TMEM232: variants seen among roughly 807,000 people sequenced by gnomAD.
TMEM232 encodes transmembrane protein 232.
A neutral mutation model predicts 78.8 loss-of-function variants in TMEM232; 80 were observed. The observed-to-expected ratio is 1.01, with a 90% confidence interval of 0.85 to 1.22. The LOEUF (loss-of-function observed/expected upper bound fraction) is 1.22, where lower values mean the gene tolerates loss of function less well. Ranked by LOEUF, TMEM232 falls within the 50% of genes most tolerant of loss-of-function variation. The pLI is 0.00. For synonymous variants in TMEM232, 297 were observed against 254.3 expected, an observed-to-expected ratio of 1.17 and a Z score of -1.60; for missense variants, 881 against 742.2, an observed-to-expected ratio of 1.19 and a Z score of -2.17.
At chr5:110,721,667 G>GTA (rs1277641654) in intron 1 of TMEM232, among the ~76,000 whole-genome samples, 3 of 10,458 alleles carry the variant, frequency 2.9e-4, no homozygotes, top group African/African-American at 4.9e-4. Flanking sequence ...GTGTGTGTGT[G>GTA]TGTGTGTATA....
At chr5:110,610,256 G>GAGGAAGGGAGGAAGGGAGGA (rs1554057558) in intron 8 of TMEM232, among the ~76,000 whole-genome samples, 1 of 117,222 alleles carries the variant, frequency 8.5e-6, no homozygotes, top group Non-Finnish European at 1.9e-5. Flanking sequence ...GGGAGGAAGG[G>GAGGAAGGGAGGAAGGGAGGA]AGGAAGGGAG....
At position 110,716,308 on chromosome 5, in the gene TMEM232, T is replaced by G. The variant is rs144347357; in HGVS notation, c.-13+10319A>C. Reference sequence around the variant, plus strand: ...ATGGGGTGGGAGAATTATTTTCAGATGATTCAAGTGCATTCCATTTACGAT... The same window carrying G: ...ATGGGGTGGGAGAATTATTTTCAGAGGATTCAAGTGCATTCCATTTACGAT... On this transcript the variant is annotated intron_variant, in intron 1 of 13. Coordinates refer to ENST00000455884, the MANE Select transcript of TMEM232 (RefSeq NM_001039763.4). Among the ~76,000 whole-genome samples the G allele has an allele frequency of 7.3e-3, 1,109 of 152,304 alleles. 6 individuals carry two copies. The highest frequency in any genetic ancestry group is 0.02 in the Middle Eastern group (6 of 294).
At chr5:110,694,505 C>A (rs920345524) in intron 1 of TMEM232, among the ~76,000 whole-genome samples, 1 of 152,094 alleles carries the variant, frequency 6.6e-6, no homozygotes. Context: ...AAGACACAGA[C>A]AGGCAAACTG....
At position 110,682,005 on chromosome 5, in the gene TMEM232, G is replaced by A. The variant is rs148447856; in HGVS notation, c.-12-14641C>T. Among the ~76,000 whole-genome samples the A allele has an allele frequency of 2.1e-3, 313 of 152,024 alleles. 1 individual carries two copies. Among genetic ancestry groups the A allele is most frequent in the African/African-American group, 7.1e-3 (296 of 41,490 alleles). On this transcript the variant is annotated intron_variant, in intron 1 of 13. Coordinates refer to ENST00000455884, the MANE Select transcript of TMEM232 (RefSeq NM_001039763.4). Reference sequence around the variant, plus strand: ...CAACAGAAATAAAAAAATAAAATGAGGCTAAAAATTTTAACTTCTTCTGCT... The same window carrying A: ...CAACAGAAATAAAAAAATAAAATGAAGCTAAAAATTTTAACTTCTTCTGCT...
At chr5:110,691,693 T>A (rs1794135111) in intron 1 of TMEM232, among the ~76,000 whole-genome samples, 1 of 152,172 alleles carries the variant, frequency 6.6e-6, no homozygotes, top group South Asian at 2.1e-4. Context: ...ATATAATAAG[T>A]CATCACTTTC....
chr5:110,726,402 C>A (rs1316516676), intron 1 of TMEM232, among the ~76,000 whole-genome samples: 1 of 152,092 alleles, frequency 6.6e-6, no homozygotes, highest in Non-Finnish European at 1.5e-5. Context: ...GACCTGGTGG[C>A]TTTTCCAGGA....
rs1757086519 is a variant in TMEM232, at chr5:110,425,023, T to G, written c.1704-107A>C. Reference sequence around the variant, plus strand: ...ATTTATTATTAAGCATTTTGATTCTTCATTGTTAACATAAAGTATTTGTGT... The same window carrying G: ...ATTTATTATTAAGCATTTTGATTCTGCATTGTTAACATAAAGTATTTGTGT... On this transcript the variant is annotated intron_variant, in intron 12 of 13. Coordinates refer to ENST00000455884, the MANE Select transcript of TMEM232 (RefSeq NM_001039763.4). 3.6e-6 allele frequency: 3 copies of G among 843,674 alleles called. No individual in the cohort carries two copies. The South Asian group carries it at 5.4e-5, about 15-fold the overall frequency. 52.3% of individuals were successfully genotyped at this position (843,674 alleles called of 1,614,324 possible).
intron 2 of TMEM232, among the ~76,000 whole-genome samples, chr5:110,652,283 T>C (rs4504429): frequency 0.89 from 133,426 of 149,480 alleles, 58,960 homozygotes; most frequent in East Asian, 0.94. Context: ...CACACAAAAG[T>C]GCACGCGCGC....
At chr5:110,627,326 A>G (rs1784543384) in intron 6 of TMEM232, among the ~76,000 whole-genome samples, 1 of 152,008 alleles carries the variant, frequency 6.6e-6, no homozygotes, top group Non-Finnish European at 1.5e-5. Context: ...AGTCACAAAA[A>G]AGCTCATAAA....
intron 7 of TMEM232, among the ~76,000 whole-genome samples, chr5:110,624,090 C>T (rs1170553731): frequency 1.3e-5 from 2 of 152,118 alleles, no homozygotes; most frequent in Non-Finnish European, 2.9e-5. Context: ...GCCTACCTCA[C>T]AACCAGACTA....
At chr5:110,627,034 C>A (rs1019701069) in intron 6 of TMEM232, among the ~76,000 whole-genome samples, 4 of 152,036 alleles carry the variant, frequency 2.6e-5, no homozygotes, top group African/African-American at 9.7e-5. Context: ...TCACTTATTT[C>A]CCTAGTTCCA....
At chr5:110,531,687 G>A (rs1186332083) in intron 11 of TMEM232, among the ~76,000 whole-genome samples, 9 of 152,230 alleles carry the variant, frequency 5.9e-5, no homozygotes, top group Non-Finnish European at 5.9e-5. Flanking sequence ...GGTGGCTGGA[G>A]CCAAAGGCAT....
chr5:110,568,355 G>A (rs1164236471), intron 11 of TMEM232, 92 bp downstream of exon 11: 5 of 1,167,280 alleles, frequency 4.3e-6, no homozygotes, highest in Non-Finnish European at 5.9e-6. Flanking sequence ...AATACTCACT[G>A]AATGTAGACA....
intron 12 of TMEM232, among the ~76,000 whole-genome samples, chr5:110,461,207 G>A (rs905247944): frequency 4.0e-5 from 6 of 151,608 alleles, no homozygotes; most frequent in South Asian, 2.1e-4. Context: ...AAAAAGAATC[G>A]TTATTAAAGG....
intron 1 of TMEM232, among the ~76,000 whole-genome samples, chr5:110,685,494 A>T (rs1219004753): frequency 2.6e-5 from 4 of 152,148 alleles, no homozygotes; most frequent in African/African-American, 4.8e-5. Flanking sequence ...CTAACATTAA[A>T]AAAACTGACA....
Position 110,605,168 on chromosome 5 carries a change from A to T in TMEM232, c.1217T>A (p.Leu406Ter), listed in dbSNP as rs994834527. The change falls in exon 10 of 14, where the codon TTA (leucine) becomes TAA (stop). Residue 406 changes from leucine (L) to a stop codon, truncating the protein, a stop_gained. Coordinates refer to ENST00000455884, the MANE Select transcript of TMEM232 (RefSeq NM_001039763.4). LOFTEE classifies it high-confidence loss of function. ...AAGACTTAAAATACTTGTTTCCTTT[A>T]ATTCTGGAGGTACTGATTTGTCCAA... ...LYLDKSVPPE[L>*]KETSILSLLE... The T allele has an allele frequency of 9.7e-6, 15 of 1,549,900 alleles. 1 individual carries two copies. The highest frequency in any genetic ancestry group is 7.4e-5 in the East Asian group (3 of 40,798).
intron 5 of TMEM232, among the ~76,000 whole-genome samples, chr5:110,628,577 T>TA (rs1177145568): frequency 1.3e-5 from 2 of 151,780 alleles, no homozygotes; most frequent in Admixed American, 6.6e-5. Context: ...CAGAAAATTA[T>TA]AAAAAACACA....
intron 2 of TMEM232, among the ~76,000 whole-genome samples, chr5:110,413,913 A>G (rs900495441): frequency 1.3e-5 from 2 of 152,240 alleles, no homozygotes; most frequent in African/African-American, 4.8e-5. Flanking sequence ...CCCAGAAGTG[A>G]CACACATAGC....
chr5:110,603,233 G>A (rs753059204), intron 10 of TMEM232, among the ~76,000 whole-genome samples: 5 of 152,046 alleles, frequency 3.3e-5, no homozygotes, highest in Admixed American at 1.3e-4. Context: ...AACCACCACG[G>A]CACATGTATA....
Sources: allele counts gnomAD v4.1 joint callset (sites outside exome capture counted in the v4.1 genomes callset), GRCh38; gene constraint gnomAD v4.1.1; transcripts MANE v1.5; gene names NCBI Gene and HGNC (gene_info 2026-07-23, HGNC 2026-07-21).